Variants in TNFRSF19 observed in about 807,000 individuals in gnomAD.
TNFRSF19 encodes the protein tumor necrosis factor receptor superfamily member 19.
In TNFRSF19, 27 loss-of-function variants were observed where a neutral mutation model predicts 46.4. That is an observed-to-expected ratio of 0.58 (90% CI 0.43 to 0.80). The LOEUF is 0.80. TNFRSF19 is among the 30% of genes least tolerant of loss of function. The pLI, the probability that TNFRSF19 is intolerant of heterozygous loss-of-function variation, is 0.00. For missense variants in TNFRSF19, 511 were observed against 530.8 expected, an observed-to-expected ratio of 0.96 and a Z score of 0.37; for synonymous variants, 204 against 205.0, an observed-to-expected ratio of 1.00 and a Z score of 0.04.
intron 5 of TNFRSF19, among the ~76,000 whole-genome samples, chr13:23,627,187 G>A (rs1404559517): frequency 2.0e-5 from 3 of 152,054 alleles, no homozygotes; most frequent in African/African-American, 4.8e-5. Context: ...GGATCATATG[G>A]TGGCATCTCT....
At chr13:23,619,351 G>A (rs1881504743) in intron 4 of TNFRSF19, among the ~76,000 whole-genome samples, 1 of 152,192 alleles carries the variant, frequency 6.6e-6, no homozygotes. Flanking sequence ...AAGGAAATTA[G>A]TGTTGCCTAA....
chr13:23,586,179 A>T (rs1878816252), intron 1 of TNFRSF19, among the ~76,000 whole-genome samples: 1 of 148,954 alleles, frequency 6.7e-6, no homozygotes, highest in Admixed American at 6.7e-5. Flanking sequence ...AATGGTGTGA[A>T]CCTGGGAGGC....
chr13:23,571,570 C>A (rs1326715863), intron 1 of TNFRSF19, among the ~76,000 whole-genome samples: 2 of 152,138 alleles, frequency 1.3e-5, no homozygotes, highest in African/African-American at 4.8e-5. Flanking sequence ...TTAACATTTA[C>A]TTTACATTTA....
intron 5 of TNFRSF19, among the ~76,000 whole-genome samples, chr13:23,642,036 GT>G (rs1045276936): frequency 1.3e-4 from 20 of 152,278 alleles, no homozygotes; most frequent in Non-Finnish European, 2.4e-4. Context: ...AATTGCAATG[GT>G]TTCACGCCAT....
chr13:23,612,781 A>G lies in TNFRSF19; in HGVS notation c.181-3086A>G, dbSNP rs558280786. Among the ~76,000 whole-genome samples, 6 of 152,302 alleles carry G rather than the reference A, an allele frequency of 3.9e-5. No homozygotes were observed. The South Asian group carries it at 1.2e-3, about 32-fold the overall frequency. On this transcript the variant is annotated intron_variant, in intron 3 of 9. Transcript: ENST00000248484. ...ATCAATGAATTTTATTATTTTGCCA[A>G]AAAATAACCACAAAGACCTCCACCA...
intron 5 of TNFRSF19, among the ~76,000 whole-genome samples, chr13:23,646,161 C>G (rs1390595184): frequency 1.3e-5 from 2 of 152,210 alleles, no homozygotes; most frequent in African/African-American, 4.8e-5. Flanking sequence ...CCCTTTCTCT[C>G]TTTCCCTCCC....
At chr13:23,595,360 G>GA (rs1879642047) in intron 3 of TNFRSF19, among the ~76,000 whole-genome samples, 1 of 152,038 alleles carries the variant, frequency 6.6e-6, no homozygotes, top group African/African-American at 2.4e-5. Flanking sequence ...TAAGAATCTT[G>GA]AAAAAAGGTT....
intron 1 of TNFRSF19, among the ~76,000 whole-genome samples, chr13:23,571,792 C>T (rs1219155179): frequency 6.6e-6 from 1 of 151,848 alleles, no homozygotes; most frequent in East Asian, 1.9e-4. Flanking sequence ...CACGCTCACA[C>T]ACACACACAG....
chr13:23,632,167 T>G (rs1362044796), intron 5 of TNFRSF19, among the ~76,000 whole-genome samples: 1 of 152,166 alleles, frequency 6.6e-6, no homozygotes, highest in Non-Finnish European at 1.5e-5. Context: ...CTGAGGGTTT[T>G]CAAGTCGGCT....
At position 23,594,476 on chromosome 13, in the gene TNFRSF19, C is replaced by G. The variant is rs1040733668; in HGVS notation, c.180+1021C>G. ...GGTGGTTTTCCCCTCACAGTGTAAA[C>G]AAAGCCACCTGGAAGTTCAAACTGG... On this transcript the variant is annotated intron_variant, in intron 3 of 9. Transcript: ENST00000248484. 1.5e-5 allele frequency: 3 copies of G among 201,664 alleles called. No individual in the cohort carries two copies. In the Admixed American group the frequency reaches 1.6e-4, roughly 11 times the overall value. 12.5% of individuals were successfully genotyped at this position (201,664 alleles called of 1,614,324 possible).
At chr13:23,577,015 TGC>T (rs1258747535) in intron 1 of TNFRSF19, among the ~76,000 whole-genome samples, 4 of 152,248 alleles carry the variant, frequency 2.6e-5, no homozygotes, top group African/African-American at 7.2e-5. Context: ...ATTTAGTAAG[TGC>T]TAGGCATTGG....
chr13:23,589,651 C>T (rs1480568620), intron 1 of TNFRSF19, among the ~76,000 whole-genome samples: 1 of 152,284 alleles, frequency 6.6e-6, no homozygotes, highest in African/African-American at 2.4e-5. Context: ...GTTTCCCCAT[C>T]GCTAAAATGG....
Position 23,673,434 on chromosome 13 carries a change from C to A in TNFRSF19, c.*54C>A. On this transcript the variant is annotated 3_prime_UTR_variant, in exon 10 of 10. Coordinates refer to ENST00000248484, the MANE Select transcript of TNFRSF19 (RefSeq NM_148957.4). ...GTGTGCTGGAACCCAAAGAGTACTC[C>A]TTTGTTAGGCTTATGGACTGAGCAG... The A allele has an allele frequency of 6.3e-7, 1 of 1,585,516 alleles. No individual in the cohort carries two copies.
At chr13:23,661,930 TA>T (rs1487905524) in intron 7 of TNFRSF19, among the ~76,000 whole-genome samples, 1 of 152,238 alleles carries the variant, frequency 6.6e-6, no homozygotes, top group Admixed American at 6.5e-5. Context: ...AGATGCTGTA[TA>T]TTAGACCTTT....
chr13:23,638,842 G>C (rs1882862074), intron 5 of TNFRSF19, among the ~76,000 whole-genome samples: 1 of 152,108 alleles, frequency 6.6e-6, no homozygotes, highest in Non-Finnish European at 1.5e-5. Context: ...GGGCTGCCGG[G>C]TGCCCTTCAG....
chr13:23,660,298 C>G, intron 6 of TNFRSF19, 67 bp from the exon 7 acceptor site: 2 of 1,467,964 alleles, frequency 1.4e-6, no homozygotes, highest in Non-Finnish European at 1.8e-6. Context: ...AATACAAAAG[C>G]TAGAATGGCA....
chr13:23,597,618 CA>C (rs1207320594), intron 3 of TNFRSF19, among the ~76,000 whole-genome samples: 2 of 151,826 alleles, frequency 1.3e-5, no homozygotes, highest in African/African-American at 4.8e-5. Flanking sequence ...GCCTACCAAC[CA>C]AAAAAAGCTC....
At chr13:23,671,134 CAT>C (rs1381480125) in intron 9 of TNFRSF19, among the ~76,000 whole-genome samples, 5 of 151,962 alleles carry the variant, frequency 3.3e-5, no homozygotes, top group African/African-American at 4.8e-5. Flanking sequence ...ATTTTAGAAA[CAT>C]GTTTTAGTTG....
intron 5 of TNFRSF19, among the ~76,000 whole-genome samples, chr13:23,636,651 C>A (rs1249041121): frequency 6.6e-6 from 1 of 152,158 alleles, no homozygotes; most frequent in African/African-American, 2.4e-5. Flanking sequence ...TAGGACAGGG[C>A]CCTGAAAGAG....
Sources: allele counts gnomAD v4.1 joint callset (sites outside exome capture counted in the v4.1 genomes callset), GRCh38; gene constraint gnomAD v4.1.1; transcripts MANE v1.5; gene names NCBI Gene and HGNC (gene_info 2026-07-23, HGNC 2026-07-21).